Variants in UBE2E3 observed in about 807,000 individuals in gnomAD.
UBE2E3 encodes ubiquitin-conjugating enzyme E2 E3.
UBE2E3 carries 5 observed loss-of-function variants against 23.6 expected under a neutral mutation model. That is an observed-to-expected ratio of 0.21 (90% CI 0.11 to 0.44). UBE2E3 has a LOEUF of 0.44. Ranked by LOEUF, UBE2E3 falls within the 20% of genes least tolerant of loss-of-function variation. UBE2E3 has a pLI of 0.99. For synonymous variants in UBE2E3, 78 were observed against 87.5 expected (o/e 0.89, Z 0.60); for missense variants, 81 against 249.8 (o/e 0.32, Z 4.55).
Position 181,036,578 on chromosome 2 carries a change from T to A in UBE2E3, c.246-21115T>A, listed in dbSNP as rs548264152. On this transcript the variant is annotated intron_variant, in intron 3 of 5. Coordinates refer to ENST00000410062, the MANE Select transcript of UBE2E3 (RefSeq NM_006357.4). ...TGTGCCTAAATTGTCCCCACCTGAG[T>A]GAGTGAGGGGGTGTGGGGGTTATGT... Among the ~76,000 whole-genome samples the A allele has an allele frequency of 3.6e-3, 551 of 152,170 alleles. 6 individuals carry two copies. The highest frequency in any genetic ancestry group is 5.4e-3 in the Admixed American group (83 of 15,278).
intron 3 of UBE2E3, among the ~76,000 whole-genome samples, chr2:181,024,002 C>A (rs935834411): frequency 1.3e-5 from 2 of 152,004 alleles, no homozygotes; most frequent in Non-Finnish European, 2.9e-5. Context: ...TTTTATATTT[C>A]TTTTGCATTT....
chr2:181,010,180 G>T (rs1264620148), intron 3 of UBE2E3, among the ~76,000 whole-genome samples: 1 of 152,050 alleles, frequency 6.6e-6, no homozygotes, highest in South Asian at 2.1e-4. Flanking sequence ...ATATGTATTT[G>T]TACTAGCTTT....
At chr2:181,008,366 C>T (rs892263683) in intron 3 of UBE2E3, among the ~76,000 whole-genome samples, 5 of 152,108 alleles carry the variant, frequency 3.3e-5, no homozygotes, top group African/African-American at 9.7e-5. Context: ...GAAGTTCTTC[C>T]GAGGATCACA....
chr2:181,033,784 G>A (rs1171846521), intron 3 of UBE2E3, among the ~76,000 whole-genome samples: 6 of 152,128 alleles, frequency 3.9e-5, no homozygotes, highest in Non-Finnish European at 8.8e-5. Context: ...CTACCCATCT[G>A]ACAAAGGGCT....
intron 3 of UBE2E3, among the ~76,000 whole-genome samples, chr2:181,023,484 G>C (rs1388571689): frequency 6.6e-6 from 1 of 152,132 alleles, no homozygotes; most frequent in East Asian, 1.9e-4. Flanking sequence ...TTGATAATAA[G>C]GAGTTTGCTA....
intron 3 of UBE2E3, among the ~76,000 whole-genome samples, chr2:181,020,541 TG>T (rs1290972524): frequency 2.0e-5 from 3 of 152,216 alleles, no homozygotes; most frequent in Non-Finnish European, 4.4e-5. Flanking sequence ...TTAATAATAA[TG>T]TAATAAAACT....
chr2:181,050,248 CA>C (rs1407490536), intron 3 of UBE2E3, among the ~76,000 whole-genome samples: 3 of 151,900 alleles, frequency 2.0e-5, no homozygotes, highest in African/African-American at 7.2e-5. Context: ...ATTTTTAATG[CA>C]AATGGCCATA....
intron 3 of UBE2E3, among the ~76,000 whole-genome samples, chr2:181,041,691 C>T (rs1389997599): frequency 1.4e-5 from 1 of 71,372 alleles, no homozygotes; most frequent in Non-Finnish European, 2.6e-5. Context: ...CTGCCTCAGC[C>T]TCCCAGAGTG....
intron 3 of UBE2E3, among the ~76,000 whole-genome samples, chr2:180,995,384 A>AT (rs1559114449): frequency 6.6e-6 from 1 of 152,144 alleles, no homozygotes; most frequent in African/African-American, 2.4e-5. Context: ...CTGTAAATGT[A>AT]TTTTATCTCC....
At position 181,059,440 on chromosome 2, in the gene UBE2E3, A is replaced by T. The variant is rs188858427; in HGVS notation, c.379-1225A>T. On this transcript the variant is annotated intron_variant, in intron 4 of 5. Coordinates refer to ENST00000410062, the MANE Select transcript of UBE2E3 (RefSeq NM_006357.4). Reference sequence around the variant, plus strand: ...ATTTCTATATTCTAGAGCAGCATTAATGGAAATATAGTAAAATCTACATGT... The same window carrying T: ...ATTTCTATATTCTAGAGCAGCATTATTGGAAATATAGTAAAATCTACATGT... Among the ~76,000 whole-genome samples the T allele has an allele frequency of 1.2e-3, 184 of 151,910 alleles. 1 individual carries two copies. Among genetic ancestry groups the T allele is most frequent in the Non-Finnish European group, 1.6e-3 (110 of 67,828 alleles).
intron 3 of UBE2E3, among the ~76,000 whole-genome samples, chr2:181,036,118 G>A (rs1174079990): frequency 2.0e-5 from 3 of 152,134 alleles, no homozygotes; most frequent in Non-Finnish European, 4.4e-5. Context: ...TCTAATTTTT[G>A]CAAAGAAAGA....
At chr2:181,056,864 CTT>C (rs2105479362) in intron 3 of UBE2E3, among the ~76,000 whole-genome samples, 1 of 151,852 alleles carries the variant, frequency 6.6e-6, no homozygotes, top group South Asian at 2.1e-4. Flanking sequence ...GATGATGAAA[CTT>C]AACATCACCA....
At chr2:180,985,409 A>C (rs1417789047) in intron 3 of UBE2E3, among the ~76,000 whole-genome samples, 1 of 152,182 alleles carries the variant, frequency 6.6e-6, no homozygotes, top group Non-Finnish European at 1.5e-5. Context: ...AAAAGGATGT[A>C]TAATACTGCA....
At position 181,041,134 on chromosome 2, in the gene UBE2E3, G is replaced by C. The variant is rs559751907; in HGVS notation, c.246-16559G>C. On this transcript the variant is annotated intron_variant, in intron 3 of 5. Transcript: ENST00000410062. ...GTGGCAGCACGTGCCTGTAGTCCCA[G>C]CTACTTGGGTGGCTGAGGCAGGAGA... is the stretch of plus-strand genomic sequence containing the variant. Among the ~76,000 whole-genome samples, 175 of 149,586 alleles carry C rather than the reference G, an allele frequency of 1.2e-3. 1 individual carries two copies. The highest frequency in any genetic ancestry group is 1.7e-3 in the Non-Finnish European group (117 of 67,766).
upstream of UBE2E3, chr2:180,980,527 G>A (rs1684234854): frequency 6.7e-6 from 1 of 148,194 alleles, no homozygotes; most frequent in African/African-American, 2.4e-5. This position sits in a 1 kb window ranked among gnomAD's most constrained non-coding sequence, Gnocchi z 5.5. Context: ...GGGCGTCGGC[G>A]GCGCGCGCCC....
chr2:181,027,675 T>G (rs1407765284), intron 3 of UBE2E3, among the ~76,000 whole-genome samples: 1 of 151,938 alleles, frequency 6.6e-6, no homozygotes, highest in Non-Finnish European at 1.5e-5. Context: ...CTTTTAAATA[T>G]CTTTGAGAGT....
At chr2:181,058,514 G>A (rs977765966) in intron 4 of UBE2E3, among the ~76,000 whole-genome samples, 1 of 151,676 alleles carries the variant, frequency 6.6e-6, no homozygotes, top group Non-Finnish European at 1.5e-5. Context: ...CAATGGTCAA[G>A]TCAGCAGGTA....
chr2:180,999,745 A>G (rs1453797305), intron 3 of UBE2E3, among the ~76,000 whole-genome samples: 1 of 152,216 alleles, frequency 6.6e-6, no homozygotes, highest in Non-Finnish European at 1.5e-5. Flanking sequence ...TGGAAGTTCA[A>G]GTCTTGGCTT....
intron 3 of UBE2E3, among the ~76,000 whole-genome samples, chr2:181,004,745 C>G (rs1685094145): frequency 6.6e-6 from 1 of 152,084 alleles, no homozygotes; most frequent in South Asian, 2.1e-4. Flanking sequence ...CAGCATGTTT[C>G]TTTTTAAGAA....
Sources: gnomAD v4.1 joint callset for allele counts (sites outside exome capture counted in the v4.1 genomes callset) on GRCh38, gnomAD v4.1.1 for gene constraint, Gnocchi (gnomAD v3.1) non-coding constraint, MANE v1.5 for transcripts, NCBI Gene and HGNC (gene_info 2026-07-23, HGNC 2026-07-21) for gene names.